Variants in PRR16 observed in about 807,000 individuals in gnomAD.
PRR16 encodes proline rich 16, also known as protein Largen.
PRR16 carries 6 observed loss-of-function variants against 18.2 expected under a neutral mutation model. The observed-to-expected ratio is 0.33, with a 90% confidence interval of 0.18 to 0.65. The LOEUF (loss-of-function observed/expected upper bound fraction) is 0.65. PRR16 is among the 30% of genes least tolerant of loss of function. The pLI is 0.74. For missense variants in PRR16, 412 were observed against 376.6 expected, an observed-to-expected ratio of 1.09 and a Z score of -0.78; for synonymous variants, 151 against 147.8, an observed-to-expected ratio of 1.02 and a Z score of -0.16.
At chr5:120,491,397 A>T (rs1244074552) in intron 1 of PRR16, among the ~76,000 whole-genome samples, 1 of 150,678 alleles carries the variant, frequency 6.6e-6, no homozygotes, top group African/African-American at 2.5e-5. Flanking sequence ...TAACTTAGGT[A>T]CAAGATCTAA....
chr5:120,477,773 C>T (rs1580619200), intron 1 of PRR16, among the ~76,000 whole-genome samples: 1 of 152,272 alleles, frequency 6.6e-6, no homozygotes, highest in East Asian at 1.9e-4. Flanking sequence ...TTACTACTTT[C>T]TCTGTGGCTC....
the PRR16 span, among the ~76,000 whole-genome samples, chr5:120,742,481 T>A: frequency 6.6e-6 from 1 of 151,050 alleles, no homozygotes. Flanking sequence ...GATCTCTGAA[T>A]TTTTTAATTT....
chr5:120,553,203 C>T (rs1260199634), intron 1 of PRR16, among the ~76,000 whole-genome samples: 2 of 151,804 alleles, frequency 1.3e-5, no homozygotes, highest in Non-Finnish European at 2.9e-5. Flanking sequence ...AATCTCATCA[C>T]ATTCATTTAA....
the PRR16 span, among the ~76,000 whole-genome samples, chr5:120,786,818 A>G: frequency 2.3e-4 from 35 of 152,060 alleles, no homozygotes; most frequent in African/African-American, 7.0e-4. Context: ...TGTTACTTAC[A>G]TAAATTAATT....
intron 1 of PRR16, among the ~76,000 whole-genome samples, chr5:120,583,569 T>G (rs1231959323): frequency 6.6e-6 from 1 of 152,160 alleles, no homozygotes; most frequent in African/African-American, 2.4e-5. Context: ...GGACCATGAC[T>G]GGAAACAGGT....
At chr5:120,561,503 G>T (rs751149585) in intron 1 of PRR16, among the ~76,000 whole-genome samples, 5 of 151,948 alleles carry the variant, frequency 3.3e-5, no homozygotes, top group Non-Finnish European at 7.4e-5. Context: ...TCAATTTTTT[G>T]AATATTTTAA....
the PRR16 span, among the ~76,000 whole-genome samples, chr5:120,768,541 C>G: frequency 0.017 from 2,604 of 151,478 alleles, 92 homozygotes; most frequent in African/African-American, 0.06. Flanking sequence ...TCAGGAACTC[C>G]GAATCCTGAA....
At chr5:120,578,304 A>G (rs1429355325) in intron 1 of PRR16, among the ~76,000 whole-genome samples, 1 of 152,182 alleles carries the variant, frequency 6.6e-6, no homozygotes, top group Non-Finnish European at 1.5e-5. Flanking sequence ...AAAATGGGAT[A>G]CATATGTAGA....
intron 1 of PRR16, among the ~76,000 whole-genome samples, chr5:120,557,762 A>G (rs181658584): frequency 1.3e-5 from 2 of 151,954 alleles, no homozygotes; most frequent in Non-Finnish European, 2.9e-5. Flanking sequence ...AATATGAACC[A>G]TATCTGATAG....
chr5:120,729,273 T>C, the PRR16 span, among the ~76,000 whole-genome samples: 1 of 152,118 alleles, frequency 6.6e-6, no homozygotes, highest in Non-Finnish European at 1.5e-5. Context: ...ATCAGAGATT[T>C]CCAGATTTAT....
At chr5:120,771,963 A>G in the PRR16 span, among the ~76,000 whole-genome samples, 1 of 152,094 alleles carries the variant, frequency 6.6e-6, no homozygotes, top group Non-Finnish European at 1.5e-5. Context: ...GAATAAAAGA[A>G]AGCTATAATA....
the PRR16 span, among the ~76,000 whole-genome samples, chr5:120,784,711 T>C: frequency 6.6e-6 from 1 of 152,210 alleles, no homozygotes; most frequent in Non-Finnish European, 1.5e-5. Flanking sequence ...TGAAAGCTCT[T>C]TGAAACTTTT....
At chr5:120,692,145 T>C (rs1221425439), downstream of PRR16, among the ~76,000 whole-genome samples, 1 of 152,196 alleles carries the variant, frequency 6.6e-6, no homozygotes, top group African/African-American at 2.4e-5. Flanking sequence ...AGGTAATCTG[T>C]AGAGCTGAAC....
At position 120,686,615 on chromosome 5, in the gene PRR16, G is replaced by T. The variant is rs1049766104; in HGVS notation, c.821G>T (p.Ser274Ile). The T allele has an allele frequency of 6.2e-7, 1 of 1,612,508 alleles. No individual in the cohort carries two copies. The highest frequency in any genetic ancestry group is 8.5e-7 in the Non-Finnish European group (1 of 1,179,104). Reference sequence around the variant, plus strand: ...GGAATGGGAATAAGCCACAGTAACAGCTTCCCCCCTATCAGACCTGCAACT... The same window carrying T: ...GGAATGGGAATAAGCCACAGTAACATCTTCCCCCCTATCAGACCTGCAACT... ...NGGMGISHSN[S>I]FPPIRPATVP... Residue 274 changes from serine (S) to isoleucine (I), a missense_variant, in exon 2 of 2, where the codon AGC becomes ATC. Ser to Ile is a moderately radical substitution (Grantham distance 142). Coordinates refer to ENST00000407149, the MANE Select transcript of PRR16 (RefSeq NM_001300783.2).
intron 1 of PRR16, among the ~76,000 whole-genome samples, chr5:120,557,269 A>G (rs1038077188): frequency 6.6e-6 from 1 of 151,922 alleles, no homozygotes; most frequent in African/African-American, 2.4e-5. Context: ...AGTAGGAAGT[A>G]ATTGTAAAAT....
At chr5:120,533,787 A>C (rs1223129163) in intron 1 of PRR16, among the ~76,000 whole-genome samples, 1 of 152,192 alleles carries the variant, frequency 6.6e-6, no homozygotes, top group Non-Finnish European at 1.5e-5. Context: ...CTTTTCTCTG[A>C]GTGAAATAGG....
chr5:120,749,557 ATTTAT>A, the PRR16 span, among the ~76,000 whole-genome samples: 1 of 152,138 alleles, frequency 6.6e-6, no homozygotes, highest in Non-Finnish European at 1.5e-5. Flanking sequence ...CAATGAGAGT[ATTTAT>A]TTTAGACTGT....
chr5:120,655,928 C>T (rs1207657458), intron 1 of PRR16, among the ~76,000 whole-genome samples: 1 of 151,670 alleles, frequency 6.6e-6, no homozygotes, highest in African/African-American at 2.4e-5. Flanking sequence ...ACCAGAAGAT[C>T]CCTTGAATCA....
At chr5:120,575,915 A>G (rs1314680056) in intron 1 of PRR16, among the ~76,000 whole-genome samples, 2 of 152,180 alleles carry the variant, frequency 1.3e-5, no homozygotes, top group African/African-American at 4.8e-5. Flanking sequence ...GGTGCCAGGT[A>G]CACACAATAG....
Sources: allele counts gnomAD v4.1 joint callset (sites outside exome capture counted in the v4.1 genomes callset), GRCh38; gene constraint gnomAD v4.1.1; transcripts MANE v1.5; gene names NCBI Gene and HGNC (gene_info 2026-07-23, HGNC 2026-07-21).